FANCC: variants seen among roughly 807,000 people sequenced by gnomAD.
FANCC encodes the protein Fanconi anemia group C protein.
Under a neutral mutation model 71.3 loss-of-function variants are expected in FANCC, and 55 were observed. That is an observed-to-expected ratio of 0.77 (90% CI 0.62 to 0.97). The LOEUF is 0.97. Among genes scored for constraint, FANCC ranks in the 50% least tolerant of loss-of-function variants. The pLI is 0.00. For synonymous variants in FANCC, 275 were observed against 244.9 expected (o/e 1.12, Z -1.15); for missense variants, 678 against 670.9 (o/e 1.01, Z -0.12).
intron 1 of FANCC, among the ~76,000 whole-genome samples, chr9:95,279,765 T>C (rs1833266629): frequency 6.6e-6 from 1 of 151,924 alleles, no homozygotes; most frequent in African/African-American, 2.4e-5. Context: ...CTGGCTAACA[T>C]AATGAAACGC....
At chr9:95,292,985 T>C in intron 1 of FANCC, 1 of 1,580,378 alleles carries the variant, frequency 6.3e-7, no homozygotes, top group Non-Finnish European at 8.7e-7. Flanking sequence ...ACGAGATCCC[T>C]GCAGAACACA....
intron 1 of FANCC, among the ~76,000 whole-genome samples, chr9:95,285,018 T>C (rs574316444): frequency 6.8e-6 from 1 of 147,124 alleles, no homozygotes; most frequent in African/African-American, 2.5e-5. Context: ...ATGGTTCTTC[T>C]AAATACTGAA....
At chr9:95,252,543 G>A (rs1229984215) in intron 1 of FANCC, among the ~76,000 whole-genome samples, 1 of 151,714 alleles carries the variant, frequency 6.6e-6, no homozygotes, top group Non-Finnish European at 1.5e-5. Flanking sequence ...TCAGGAGATT[G>A]AGACCATCCT....
chr9:95,308,585 C>T (rs996979587), intron 1 of FANCC, among the ~76,000 whole-genome samples: 5 of 151,884 alleles, frequency 3.3e-5, no homozygotes, highest in African/African-American at 9.7e-5. Context: ...CTTGCCCAGC[C>T]GACCTGCATC....
At chr9:95,283,127 G>C (rs1377301616) in intron 1 of FANCC, among the ~76,000 whole-genome samples, 1 of 152,166 alleles carries the variant, frequency 6.6e-6, no homozygotes, top group African/African-American at 2.4e-5. Flanking sequence ...CTGTTGCCCA[G>C]ACTGGTGTGC....
chr9:95,265,373 A>G (rs996043674), intron 1 of FANCC, among the ~76,000 whole-genome samples: 1 of 152,140 alleles, frequency 6.6e-6, no homozygotes, highest in African/African-American at 2.4e-5. Flanking sequence ...GACCTCAGCA[A>G]TGGGGGGAGA....
At chr9:95,108,680 C>T (rs2071656168) in intron 13 of FANCC, among the ~76,000 whole-genome samples, 1 of 152,092 alleles carries the variant, frequency 6.6e-6, no homozygotes, top group African/African-American at 2.4e-5. Flanking sequence ...TATATGCTTA[C>T]TATGGAAAAT....
At chr9:95,283,693 TA>T (rs1419087796) in intron 1 of FANCC, among the ~76,000 whole-genome samples, 1 of 152,196 alleles carries the variant, frequency 6.6e-6, no homozygotes, top group East Asian at 1.9e-4. Flanking sequence ...TACAAAAAAA[TA>T]AAAATTTAAT....
intron 4 of FANCC, among the ~76,000 whole-genome samples, chr9:95,236,592 C>T: frequency 6.6e-6 from 1 of 152,088 alleles, no homozygotes. Context: ...CTTCTCTGTG[C>T]TAAAAATACA....
At chr9:95,241,096 T>C (rs1291030292) in intron 3 of FANCC, among the ~76,000 whole-genome samples, 1 of 152,218 alleles carries the variant, frequency 6.6e-6, no homozygotes, top group African/African-American at 2.4e-5. Flanking sequence ...TGGAAAGAAC[T>C]AAGAGAACTG....
At chr9:95,111,003 A>G in intron 13 of FANCC, 1 of 1,430,702 alleles carries the variant, frequency 7.0e-7, no homozygotes, top group Non-Finnish European at 9.1e-7. Flanking sequence ...TAATGTGAGG[A>G]TCTGTTGACT....
At chr9:95,293,121 A>C in intron 1 of FANCC, 2 of 1,613,348 alleles carry the variant, frequency 1.2e-6, no homozygotes, top group South Asian at 2.2e-5. Context: ...TAGAAGCTTC[A>C]GAAATAAAGC....
intron 3 of FANCC, among the ~76,000 whole-genome samples, chr9:95,245,858 T>C (rs1028746079): frequency 2.0e-5 from 3 of 150,798 alleles, no homozygotes; most frequent in African/African-American, 4.9e-5. Context: ...GATAGTGCCA[T>C]TGCACTCCAG....
At chr9:95,259,403 T>C (rs1410547881) in intron 1 of FANCC, among the ~76,000 whole-genome samples, 1 of 152,154 alleles carries the variant, frequency 6.6e-6, no homozygotes, top group South Asian at 2.1e-4. Context: ...TCTACAACCA[T>C]CTGATCTTTG....
At chr9:95,263,476 A>ATGTG (rs943540823) in intron 1 of FANCC, among the ~76,000 whole-genome samples, 3 of 120,592 alleles carry the variant, frequency 2.5e-5, no homozygotes, top group East Asian at 2.8e-4. Flanking sequence ...ATTTATATAT[A>ATGTG]TATGTGTGTG....
intron 4 of FANCC, among the ~76,000 whole-genome samples, chr9:95,223,508 C>T (rs895822986): frequency 2.0e-5 from 3 of 152,132 alleles, no homozygotes; most frequent in Non-Finnish European, 4.4e-5. Flanking sequence ...TCCCTGTTTC[C>T]AAGTAAGGCC....
At chr9:95,171,390 C>G (rs1825667387) in intron 5 of FANCC, among the ~76,000 whole-genome samples, 1 of 151,086 alleles carries the variant, frequency 6.6e-6, no homozygotes, top group Admixed American at 6.6e-5. Context: ...CATTAATTTC[C>G]TAAGAATTAA....
chr9:95,120,333 C>G (rs2072771600), intron 10 of FANCC, among the ~76,000 whole-genome samples: 1 of 152,026 alleles, frequency 6.6e-6, no homozygotes, highest in African/African-American at 2.4e-5. Flanking sequence ...ATGTATGGGT[C>G]TATATCTGGA....
At chr9:95,148,142 T>C (rs767413060) in intron 7 of FANCC, among the ~76,000 whole-genome samples, 1 of 152,152 alleles carries the variant, frequency 6.6e-6, no homozygotes, top group African/African-American at 2.4e-5. Context: ...TTTTCACATA[T>C]GAATGTCTGA....
Sources: gnomAD v4.1 joint callset for allele counts (sites outside exome capture counted in the v4.1 genomes callset) on GRCh38, gnomAD v4.1.1 for gene constraint, MANE v1.5 for transcripts, NCBI Gene and HGNC (gene_info 2026-07-23, HGNC 2026-07-21) for gene names.